The following RIPOR2 variants were observed in gnomAD, a reference collection of about 807,000 sequenced individuals.
The protein encoded by RIPOR2 is rho family-interacting cell polarization regulator 2.
RIPOR2 carries 39 observed loss-of-function variants against 114.5 expected under a neutral mutation model. That is an observed-to-expected ratio of 0.34 (90% confidence interval 0.26 to 0.44). RIPOR2 has a LOEUF of 0.44. Among genes scored for constraint, RIPOR2 ranks in the 20% least tolerant of loss-of-function variants. The pLI is 1.00. For missense variants in RIPOR2, 1,007 were observed against 1,255.1 expected (o/e 0.80, Z 2.99); for synonymous variants, 445 against 484.4 (o/e 0.92, Z 1.07).
chr6:24,836,605 C>A (rs1435846493), intron 14 of RIPOR2, among the ~76,000 whole-genome samples: 1 of 152,164 alleles, frequency 6.6e-6, no homozygotes, highest in Non-Finnish European at 1.5e-5. Context: ...TTTTGAGTGT[C>A]CTGGTTCACA....
chr6:24,850,659 G>A lies in RIPOR2; in HGVS notation c.823C>T (p.Gln275Ter). 1 of 1,613,806 alleles carries A rather than the reference G, an allele frequency of 6.2e-7. No individual in the cohort carries two copies. Among genetic ancestry groups the A allele is most frequent in the Non-Finnish European group, 8.5e-7 (1 of 1,179,804 alleles). The change falls in exon 10 of 22, where the codon CAG becomes TAG. Residue 275 changes from glutamine (Q) to a stop codon, truncating the protein, a stop_gained. Coordinates refer to ENST00000643898, the MANE Select transcript of RIPOR2 (RefSeq NM_001286445.3). LOFTEE classifies it high-confidence loss of function. ...LKGKIEVNGK[Q>*]SWDGEETVFL... ...ACTGTTTCTTCTCCATCCCAGCTCTGCTTGCCATTTACTTCTATTTTGCCT... is the reference window on the plus strand; with the variant it reads ...ACTGTTTCTTCTCCATCCCAGCTCTACTTGCCATTTACTTCTATTTTGCCT...
intron 1 of RIPOR2, among the ~76,000 whole-genome samples, chr6:24,952,475 A>G (rs1175541449): frequency 6.6e-6 from 1 of 152,190 alleles, no homozygotes; most frequent in Non-Finnish European, 1.5e-5. Flanking sequence ...TCCCACCATG[A>G]CTAATTTCAA....
upstream of RIPOR2, among the ~76,000 whole-genome samples, chr6:24,939,383 G>A (rs1771992624): frequency 6.6e-6 from 1 of 152,150 alleles, no homozygotes; most frequent in African/African-American, 2.4e-5. Flanking sequence ...AAGGTAACTA[G>A]GAATGTATGA....
intron 15 of RIPOR2, among the ~76,000 whole-genome samples, chr6:24,832,779 G>A (rs1285622085): frequency 1.3e-5 from 2 of 152,138 alleles, no homozygotes; most frequent in Non-Finnish European, 2.9e-5. Context: ...TTCACAGCAT[G>A]GTTTTATTTT....
intron 15 of RIPOR2, 33 bp downstream of exon 15, chr6:24,835,670 G>T (rs1287734297): frequency 2.6e-6 from 4 of 1,542,422 alleles, no homozygotes; most frequent in Non-Finnish European, 3.5e-6. Flanking sequence ...AAATCACCTG[G>T]CATCTCAAAC....
chr6:24,885,901 T>C lies in RIPOR2; in HGVS notation c.62-10084A>G, dbSNP rs186242761. 5.6e-3 allele frequency among the ~76,000 whole-genome samples: 848 copies of C among 152,326 alleles called. 3 individuals are homozygous for C. The highest frequency in any genetic ancestry group is 0.01 in the Middle Eastern group (3 of 294). ...AGGAAGCTAGAAACTAGCATCTTTT[T>C]GAAGATAGCAATTTTTAGGTAATTG... On this transcript the variant is annotated intron_variant, in intron 1 of 21. Coordinates refer to ENST00000643898, the MANE Select transcript of RIPOR2 (RefSeq NM_001286445.3).
At chr6:24,851,497 T>A (rs1216197539) in intron 9 of RIPOR2, among the ~76,000 whole-genome samples, 1 of 152,064 alleles carries the variant, frequency 6.6e-6, no homozygotes, top group African/African-American at 2.4e-5. Context: ...GTGTGCAATA[T>A]CTCCTTGGTC....
At chr6:24,834,576 G>T (rs932048036) in intron 15 of RIPOR2, among the ~76,000 whole-genome samples, 9 of 151,912 alleles carry the variant, frequency 5.9e-5, no homozygotes, top group African/African-American at 2.2e-4. Context: ...ATTCAGCATG[G>T]TAGTACAGGT....
In RIPOR2 at chr6:25,015,901, T is replaced by TTTG. The variant is rs1561844690; in HGVS notation, c.76+25949_76+25950insCAA. 9.3e-5 allele frequency: 8 copies of TTTG among 86,218 alleles called. No homozygotes were observed. The Admixed American group carries it at 1.1e-3, about 11-fold the overall frequency. 5.3% of individuals were successfully genotyped at this position (86,218 alleles called of 1,614,324 possible). A position where few individuals can be genotyped will look rare whatever the true frequency, so the allele number is the denominator to read the frequency against. ...TTAAAAACGCAGGTTTTTTGGTTTT[T>TTTG]TTTTTTTTTTTTTTTTTTTTTTTAA... On this transcript the variant is annotated intron_variant, in intron 1 of 13. Coordinates refer to the RIPOR2 transcript ENST00000510784.
intron 1 of RIPOR2, chr6:25,031,092 C>G (rs1450237627): frequency 6.6e-6 from 1 of 152,264 alleles, no homozygotes; most frequent in Non-Finnish European, 1.5e-5. Context: ...TTTACCTGCT[C>G]TGTGTTTGAC....
intron 1 of RIPOR2, among the ~76,000 whole-genome samples, chr6:24,943,748 C>G (rs1332288184): frequency 1.3e-5 from 2 of 152,082 alleles, no homozygotes; most frequent in Non-Finnish European, 2.9e-5. Context: ...AATCAACAGC[C>G]TGGCAGCTAT....
intron 1 of RIPOR2, among the ~76,000 whole-genome samples, chr6:25,038,347 T>C (rs534978962): frequency 6.6e-5 from 10 of 152,242 alleles, no homozygotes; most frequent in Admixed American, 2.0e-4. Context: ...ATGATGAGAT[T>C]TTACTTCTGT....
At chr6:25,029,124 T>TAA (rs1415824581) in intron 1 of RIPOR2, among the ~76,000 whole-genome samples, 2 of 151,892 alleles carry the variant, frequency 1.3e-5, no homozygotes, top group Non-Finnish European at 2.9e-5. Flanking sequence ...CCGTCTCTAC[T>TAA]AAAAACACAA....
chr6:24,870,920 A>C, intron 4 of RIPOR2, 31 bp from the exon 5 acceptor site: 2 of 1,486,058 alleles, frequency 1.3e-6, no homozygotes, highest in Non-Finnish European at 1.8e-6. Context: ...TCTGCATTTA[A>C]ACATTATCCT....
At chr6:25,004,381 C>T (rs1775453509) in intron 1 of RIPOR2, among the ~76,000 whole-genome samples, 1 of 152,226 alleles carries the variant, frequency 6.6e-6, no homozygotes, top group African/African-American at 2.4e-5. Context: ...ATAATCCCTA[C>T]TGCTTGGTCA....
chr6:24,878,601 C>T (rs1295245984), intron 1 of RIPOR2, among the ~76,000 whole-genome samples: 4 of 152,064 alleles, frequency 2.6e-5, no homozygotes, highest in Non-Finnish European at 5.9e-5. Flanking sequence ...TCCATTGGAT[C>T]ACGGTAGTTT....
chr6:24,915,599 G>T (rs1003918510), intron 1 of RIPOR2, among the ~76,000 whole-genome samples: 1 of 152,092 alleles, frequency 6.6e-6, no homozygotes, highest in Non-Finnish European at 1.5e-5. Flanking sequence ...TCCTGACCTC[G>T]TGATCCACCT....
intron 13 of RIPOR2, chr6:24,839,645 A>C (rs1404175164): frequency 2.6e-6 from 4 of 1,540,676 alleles, no homozygotes; most frequent in Non-Finnish European, 3.5e-6. Context: ...AACAAAAAAA[A>C]CAAAAAACAA....
At chr6:24,921,974 T>TGG in intron 1 of RIPOR2, among the ~76,000 whole-genome samples, 1 of 151,942 alleles carries the variant, frequency 6.6e-6, no homozygotes, top group South Asian at 2.1e-4. Context: ...GGATTACAGA[T>TGG]GTGTGCCACC....
Sources: gnomAD v4.1 joint callset for allele counts (sites outside exome capture counted in the v4.1 genomes callset) on GRCh38, gnomAD v4.1.1 for gene constraint, MANE v1.5 for transcripts, NCBI Gene and HGNC (gene_info 2026-07-23, HGNC 2026-07-21) for gene names.